USP35: variants seen among roughly 807,000 people sequenced by gnomAD.
The protein encoded by USP35 is ubiquitin specific peptidase 35.
USP35 carries 69 observed loss-of-function variants against 83.8 expected under a neutral mutation model. The ratio of observed to expected loss-of-function variants is 0.82; its 90% confidence interval spans 0.68 to 1.01. The LOEUF (loss-of-function observed/expected upper bound fraction) is 1.01. Ranked by LOEUF, USP35 falls within the 50% of genes least tolerant of loss-of-function variation. The pLI is 0.00. For synonymous variants in USP35, 714 were observed against 589.5 expected, an observed-to-expected ratio of 1.21 and a Z score of -3.06; for missense variants, 1,503 against 1,362.5, an observed-to-expected ratio of 1.10 and a Z score of -1.62.
At chr11:78,217,447 T>C (rs921073532), downstream of USP35, 6 of 152,248 alleles carry the variant, frequency 3.9e-5, no homozygotes, top group Non-Finnish European at 7.3e-5. Flanking sequence ...GCTAGGCCAT[T>C]GGTCTGGTGA....
chr11:78,220,789 C>A, the USP35 span, among the ~76,000 whole-genome samples: 1 of 152,208 alleles, frequency 6.6e-6, no homozygotes, highest in Non-Finnish European at 1.5e-5. Context: ...TCCTTTCTAG[C>A]ACATCAGGCC....
intron 10 of USP35, among the ~76,000 whole-genome samples, chr11:78,211,097 C>A (rs1364522388): frequency 1.3e-5 from 2 of 151,462 alleles, no homozygotes; most frequent in Admixed American, 1.3e-4. Context: ...CGCCCTCCCC[C>A]GCCACCCCCC....
intron 9 of USP35, 93 bp downstream of exon 9, chr11:78,209,056 A>AT: frequency 7.7e-7 from 1 of 1,290,584 alleles, no homozygotes; most frequent in South Asian, 1.4e-5. Flanking sequence ...CGTCCAGGGA[A>AT]TAAGTGTGCT....
At chr11:78,195,278 C>T (rs1364686461) in intron 1 of USP35, among the ~76,000 whole-genome samples, 3 of 152,070 alleles carry the variant, frequency 2.0e-5, no homozygotes, top group Non-Finnish European at 4.4e-5. Context: ...TCACTGAGGA[C>T]GGGTGCTTTA....
intron 1 of USP35, among the ~76,000 whole-genome samples, chr11:78,192,153 C>A (rs975174704): frequency 5.9e-5 from 9 of 152,214 alleles, no homozygotes; most frequent in African/African-American, 2.2e-4. Flanking sequence ...CAGGCAGGGG[C>A]TCACCCAAGG....
rs755328244 is a variant in USP35 at position 78,205,916 on chromosome 11, G to T, written c.1272G>T (p.Glu424Asp). ...ATGCCTGGACTTCGCAGAAGAGCGAGCTGGCGGGTTTCTATCCCCGGCTCA... is the reference window on the plus strand; with the variant it reads ...ATGCCTGGACTTCGCAGAAGAGCGATCTGGCGGGTTTCTATCCCCGGCTCA... ...GQDAWTSQKS[E>D]LAGFYPRLMA... Residue 424 changes from glutamate (E) to aspartate (D), a missense_variant, in exon 7 of 11, where the codon GAG becomes GAT. By Grantham distance (45) the Glu-to-Asp change is conservative (BLOSUM62 2). Coordinates refer to ENST00000529308, the MANE Select transcript of USP35 (RefSeq NM_020798.4). 1.1e-4 allele frequency: 178 copies of T among 1,614,274 alleles called. No homozygotes were observed. The highest frequency in any genetic ancestry group is 1.4e-4 in the Non-Finnish European group (169 of 1,180,046).
intron 1 of USP35, among the ~76,000 whole-genome samples, chr11:78,191,779 A>G (rs2511176): frequency 0.42 from 63,243 of 151,316 alleles, 13,641 homozygotes; most frequent in East Asian, 0.62. Flanking sequence ...CCCTGACAGT[A>G]TCTGTGTCTC....
rs1026243404 is a variant in USP35 at position 78,213,923 on chromosome 11, C to T, written c.*110C>T. ...GGAAGGATGGTACAGCTCATGGCAC[C>T]TTAGTCCTCAGCCTGATGAAGGGTA... On this transcript the variant is annotated 3_prime_UTR_variant, in exon 11 of 11. Transcript: ENST00000529308. The T allele has an allele frequency of 2.4e-6, 3 of 1,266,446 alleles. No individual in the cohort carries two copies. Among genetic ancestry groups the T allele is most frequent in the African/African-American group, 3.1e-5 (2 of 63,602 alleles). The allele number at this position is 1,266,446 out of a possible 1,614,324, so 78.5% of individuals were successfully genotyped here.
downstream of USP35, chr11:78,218,897 G>A (rs1017068638): frequency 8.1e-5 from 15 of 185,520 alleles, no homozygotes; most frequent in East Asian, 2.2e-3. Context: ...TGAGGGCTGT[G>A]ACTGAACGTG....
At chr11:78,213,342 T>C (rs2450140) in intron 10 of USP35, among the ~76,000 whole-genome samples, 30,798 of 152,072 alleles carry the variant, frequency 0.2, 3,380 homozygotes, top group East Asian at 0.41. Flanking sequence ...CAGGTTCCCG[T>C]GTGGTGTGAT....
chr11:78,235,026 A>T, the USP35 span, among the ~76,000 whole-genome samples: 7 of 151,940 alleles, frequency 4.6e-5, no homozygotes, highest in Non-Finnish European at 8.8e-5. Context: ...GGCCACCGGG[A>T]GGGGCTGCCA....
At chr11:78,223,051 G>T in the USP35 span, among the ~76,000 whole-genome samples, 1,052 of 152,290 alleles carry the variant, frequency 6.9e-3, 10 homozygotes, top group African/African-American at 0.024. Context: ...AGACCCACAG[G>T]GGGCTATCTC....
At chr11:78,219,561 G>C, downstream of USP35, 1 of 717,722 alleles carries the variant, frequency 1.4e-6, no homozygotes, top group Non-Finnish European at 2.4e-6. Context: ...CAGGAGCCTG[G>C]CTTCTCTTTC....
the USP35 span, among the ~76,000 whole-genome samples, chr11:78,224,325 C>T: frequency 6.6e-6 from 1 of 152,174 alleles, no homozygotes; most frequent in Non-Finnish European, 1.5e-5. Flanking sequence ...AGTCCAGACT[C>T]ACCACTGGCA....
At position 78,215,024 on chromosome 11, in the gene USP35, A is replaced by G. The variant is rs1176813363; in HGVS notation, c.*1211A>G. On this transcript the variant is annotated 3_prime_UTR_variant, in exon 11 of 11. Coordinates refer to ENST00000529308, the MANE Select transcript of USP35 (RefSeq NM_020798.4). ...GTGTGGAGTTTGGGCCCAATGTCAC[A>G]GACCCTCAAGATGTCACATCTAAGT... 6.6e-6 allele frequency among the ~76,000 whole-genome samples: 1 copy of G among 152,144 alleles called. No individual in the cohort carries two copies. The highest frequency in any genetic ancestry group is 1.9e-4 in the East Asian group (1 of 5,200).
At chr11:78,207,410 T>TG in intron 7 of USP35, 120 bp from the exon 8 acceptor site, 3 of 959,598 alleles carry the variant, frequency 3.1e-6, no homozygotes, top group Non-Finnish European at 4.8e-6. Context: ...GGCTCCGTCT[T>TG]GGGGCAGAAA....
chr11:78,200,691 G>A lies in USP35; in HGVS notation c.1080G>A (p.Lys360=), dbSNP rs1423689070. The change falls in exon 6 of 11, where the codon AAG becomes AAA. Residue 360 remains lysine, a synonymous_variant. Coordinates refer to ENST00000529308, the MANE Select transcript of USP35 (RefSeq NM_020798.4). ...CCCCCATGGTGGCCTCTCTGGTCAA[G>A]GAGGACTCGAACTCGGGGACCAGCT... ...HIPPMVASLV[K]EDSNSGTSCL... The A allele has an allele frequency of 6.2e-7, 1 of 1,614,094 alleles. No homozygotes were observed. Among genetic ancestry groups the A allele is most frequent in the East Asian group, 2.2e-5 (1 of 44,886 alleles).
At chr11:78,199,859 C>A in intron 4 of USP35, 135 bp downstream of exon 4, 1 of 1,377,050 alleles carries the variant, frequency 7.3e-7, no homozygotes, top group Non-Finnish European at 1.0e-6. Context: ...ATTCACTGCC[C>A]CTCTCTGGGC....
At chr11:78,237,176 C>G in the USP35 span, among the ~76,000 whole-genome samples, 1 of 152,124 alleles carries the variant, frequency 6.6e-6, no homozygotes, top group Non-Finnish European at 1.5e-5. Flanking sequence ...GCATAGTTTT[C>G]TAGGTATTTG....
Sources: gnomAD v4.1 joint callset for allele counts (sites outside exome capture counted in the v4.1 genomes callset) on GRCh38, gnomAD v4.1.1 for gene constraint, MANE v1.5 for transcripts, NCBI Gene and HGNC (gene_info 2026-07-23, HGNC 2026-07-21) for gene names.